HM13: variants seen among roughly 807,000 people sequenced by gnomAD.
The protein encoded by HM13 is histocompatibility minor 13, also known as signal peptide peptidase.
Under a neutral mutation model 50.0 loss-of-function variants are expected in HM13, and 18 were observed. The ratio of observed to expected loss-of-function variants is 0.36; its 90% confidence interval spans 0.25 to 0.53. The LOEUF (loss-of-function observed/expected upper bound fraction) is 0.53, where lower values mean the gene tolerates loss of function less well. HM13 is among the 20% of genes least tolerant of loss of function. HM13 has a pLI of 0.90. For missense variants in HM13, 393 were observed against 552.4 expected (o/e 0.71, Z 2.89); for synonymous variants, 197 against 232.6 (o/e 0.85, Z 1.39).
chr20:31,559,885 A>C (rs781590346), intron 9 of HM13, among the ~76,000 whole-genome samples: 3 of 152,230 alleles, frequency 2.0e-5, no homozygotes, highest in Non-Finnish European at 2.9e-5. Flanking sequence ...GCCTGGTGGT[A>C]CTCACAGTGC....
intron 10 of HM13, among the ~76,000 whole-genome samples, 179 bp downstream of exon 10, chr20:31,561,915 C>G (rs1172893976): frequency 6.6e-6 from 1 of 152,228 alleles, no homozygotes; most frequent in Non-Finnish European, 1.5e-5. Flanking sequence ...TGCCACTGCT[C>G]TAGGCAGCAT....
At chr20:31,550,210 ATC>A in intron 7 of HM13, 89 bp downstream of exon 7, 1 of 923,140 alleles carries the variant, frequency 1.1e-6, no homozygotes, top group South Asian at 1.3e-5. Context: ...GCATCTCCCT[ATC>A]TCTTCCCCAT....
chr20:31,533,240 C>A (rs1046694402), intron 2 of HM13, among the ~76,000 whole-genome samples: 1 of 152,192 alleles, frequency 6.6e-6, no homozygotes, highest in African/African-American at 2.4e-5. Flanking sequence ...TAGTGGCTCA[C>A]GCCTGTAATC....
chr20:31,553,188 CAG>C (rs113843825), intron 7 of HM13, among the ~76,000 whole-genome samples: 41,057 of 150,338 alleles, frequency 0.27, 8,394 homozygotes, highest in African/African-American at 0.58. Context: ...TTCAGCTACT[CAG>C]GGGGCTGAGG....
chr20:31,516,563 C>T (rs932077999), intron 1 of HM13, among the ~76,000 whole-genome samples: 8 of 152,072 alleles, frequency 5.3e-5, no homozygotes, highest in Admixed American at 2.6e-4. Context: ...TGAGCCTTGA[C>T]GTAGAGGTAG....
chr20:31,561,275 G>C (rs1206270722), intron 9 of HM13, among the ~76,000 whole-genome samples: 1 of 152,112 alleles, frequency 6.6e-6, no homozygotes, highest in Non-Finnish European at 1.5e-5. Flanking sequence ...AGACTCCCTG[G>C]GGGTGGGACC....
At chr20:31,538,959 T>C (rs1050748832) in intron 3 of HM13, 3 of 545,768 alleles carry the variant, frequency 5.5e-6, no homozygotes, top group Non-Finnish European at 7.0e-6. Flanking sequence ...TGTATGATAG[T>C]CATGGAAACT....
chr20:31,553,858 C>T (rs373242598), intron 7 of HM13, among the ~76,000 whole-genome samples: 15 of 152,126 alleles, frequency 9.9e-5, no homozygotes, highest in South Asian at 8.3e-4. Flanking sequence ...CACCCTGCTT[C>T]AGAACAAGGG....
chr20:31,562,955 C>T (rs6060007), intron 10 of HM13, among the ~76,000 whole-genome samples: 41,622 of 152,006 alleles, frequency 0.27, 8,606 homozygotes, highest in African/African-American at 0.58. Context: ...CTGCAGCTCC[C>T]GGCCCCTTAT....
chr20:31,567,114 C>T (rs1984967670), intron 11 of HM13, among the ~76,000 whole-genome samples: 1 of 152,150 alleles, frequency 6.6e-6, no homozygotes, highest in Admixed American at 6.5e-5. Flanking sequence ...CCTCCCTGTC[C>T]TGTCTAGAAT....
intron 7 of HM13, among the ~76,000 whole-genome samples, chr20:31,551,564 G>A (rs1984036321): frequency 1.3e-5 from 2 of 152,208 alleles, no homozygotes; most frequent in South Asian, 4.1e-4. Flanking sequence ...TTGGCTTAGA[G>A]TTTAAGCTTT....
At chr20:31,547,500 G>T (rs528818895) in intron 4 of HM13, 15 of 697,348 alleles carry the variant, frequency 2.2e-5, no homozygotes, top group Non-Finnish European at 3.2e-5. Flanking sequence ...CTTCACCCTG[G>T]ATCATGTTCA....
rs981349493 is a variant in HM13, at chr20:31,514,595, C to G, written c.44C>G (p.Ala15Gly). Reference protein sequence around the residue: ...LSDPHNGSAEAGGPTNSTTRP... With the variant: ...LSDPHNGSAEGGGPTNSTTRP... ...GATCCGCATAACGGCAGTGCCGAGGCAGGCGGCCCCACCAACAGCACTACG... is the reference window on the plus strand; with the variant it reads ...GATCCGCATAACGGCAGTGCCGAGGGAGGCGGCCCCACCAACAGCACTACG... The change falls in exon 1 of 13, where the codon GCA becomes GGA. Residue 15 changes from alanine (A) to glycine (G), a missense_variant. Physicochemically the swap from Ala to Gly is moderately conservative, Grantham distance 60. This residue lies in a region of HM13 where 214 missense variants were observed against 276.1 expected (regional missense o/e 0.77). Coordinates refer to ENST00000398174, the MANE Select transcript of HM13 (RefSeq NM_178581.3). The surrounding 1 kb of genome is among the most constrained non-coding windows in gnomAD (Gnocchi z 4.3). The G allele has an allele frequency of 5.0e-6, 8 of 1,602,690 alleles. No individual in the cohort carries two copies. The African/African-American group carries it at 1.1e-4, about 21-fold the overall frequency.
intron 11 of HM13, chr20:31,567,677 A>C (rs1985002487): frequency 6.1e-6 from 1 of 164,164 alleles, no homozygotes; most frequent in Non-Finnish European, 1.3e-5. Flanking sequence ...GAGCACCCTC[A>C]TGCTCCAGCT....
intron 7 of HM13, among the ~76,000 whole-genome samples, chr20:31,554,221 A>T (rs1984176934): frequency 6.6e-6 from 1 of 152,044 alleles, no homozygotes; most frequent in Non-Finnish European, 1.5e-5. Context: ...GTAAGCTGGG[A>T]ATACAAAAAT....
chr20:31,558,849 G>T (rs1367165249), intron 8 of HM13, among the ~76,000 whole-genome samples: 1 of 152,072 alleles, frequency 6.6e-6, no homozygotes, highest in African/African-American at 2.4e-5. Context: ...TCAGCCTCCC[G>T]AGTAGCTGGG....
chr20:31,519,204 C>T (rs918313449), intron 1 of HM13, among the ~76,000 whole-genome samples: 1 of 152,182 alleles, frequency 6.6e-6, no homozygotes. Context: ...TGGGTTCAAG[C>T]GATTCTTCTG....
rs963261426 is a variant in HM13 at position 31,544,718 on chromosome 20, G to A, written c.366-229G>A. 3.3e-5 allele frequency among the ~76,000 whole-genome samples: 5 copies of A among 152,338 alleles called. No individual in the cohort carries two copies. The East Asian group carries it at 9.6e-4, about 29-fold the overall frequency. On this transcript the variant is annotated intron_variant, in intron 3 of 12. Transcript: ENST00000398174. Reference sequence around the variant, plus strand: ...AAAGGCAGTAGAGAAATCACTATGAGTGCAAAAACCTAGGTTTGAGTCTTA... The same window carrying A: ...AAAGGCAGTAGAGAAATCACTATGAATGCAAAAACCTAGGTTTGAGTCTTA...
At chr20:31,526,629 A>G (rs1236471032) in intron 1 of HM13, among the ~76,000 whole-genome samples, 2 of 152,208 alleles carry the variant, frequency 1.3e-5, no homozygotes, top group Non-Finnish European at 2.9e-5. Flanking sequence ...CTTGCCAACT[A>G]TAGCATCTGC....
Sources: allele counts gnomAD v4.1 joint callset (sites outside exome capture counted in the v4.1 genomes callset), GRCh38; gene constraint gnomAD v4.1.1; regional missense constraint gnomAD v4.1.1; non-coding constraint Gnocchi (gnomAD v3.1); transcripts MANE v1.5; gene names NCBI Gene and HGNC (gene_info 2026-07-23, HGNC 2026-07-21).